The following PLCL1 variants were observed in gnomAD, a reference collection of about 807,000 sequenced individuals.
PLCL1 encodes inactive phospholipase C-like protein 1.
PLCL1 carries 41 observed loss-of-function variants against 84.4 expected under a neutral mutation model. That is an observed-to-expected ratio of 0.49 (90% CI 0.38 to 0.63). The LOEUF (loss-of-function observed/expected upper bound fraction) is 0.63. Ranked by LOEUF, PLCL1 falls within the 30% of genes least tolerant of loss-of-function variation. The pLI is 0.00. For missense variants in PLCL1, 1,206 were observed against 1,367.8 expected, an observed-to-expected ratio of 0.88 and a Z score of 1.87; for synonymous variants, 490 against 488.3, an observed-to-expected ratio of 1.00 and a Z score of -0.05.
chr2:198,069,422 A>G (rs1171480606), intron 1 of PLCL1, among the ~76,000 whole-genome samples: 1 of 152,076 alleles, frequency 6.6e-6, no homozygotes, highest in African/African-American at 2.4e-5. Context: ...CCAGGATTTC[A>G]CGGCTGCAGT....
rs994178737 is a variant in PLCL1, at chr2:197,981,186, A to C, written c.241-102572A>C. 3.3e-5 allele frequency among the ~76,000 whole-genome samples: 5 copies of C among 152,318 alleles called. No homozygotes were observed. In the South Asian group the frequency reaches 6.2e-4, roughly 19 times the overall value. ...TAGCAGTAGTTAATTGTAGAATCTA[A>C]GGTTAGGGCAAAAGACCTTTCCACG... On this transcript the variant is annotated intron_variant, in intron 1 of 5. Transcript: ENST00000428675.
intron 1 of PLCL1, among the ~76,000 whole-genome samples, chr2:198,034,727 G>A (rs1677515450): frequency 6.6e-6 from 1 of 152,154 alleles, no homozygotes; most frequent in African/African-American, 2.4e-5. Flanking sequence ...TCTCATCAAT[G>A]TCATCTCTAA....
At chr2:197,840,696 G>A (rs1353337345) in intron 1 of PLCL1, among the ~76,000 whole-genome samples, 1 of 152,202 alleles carries the variant, frequency 6.6e-6, no homozygotes, top group East Asian at 1.9e-4. Flanking sequence ...GAAGGGCAGG[G>A]CAGATGCCAT....
intron 1 of PLCL1, among the ~76,000 whole-genome samples, chr2:197,843,884 A>T (rs1559022414): frequency 6.6e-6 from 1 of 152,114 alleles, no homozygotes; most frequent in Non-Finnish European, 1.5e-5. Context: ...TTAATCATGG[A>T]TTTCTGAATC....
chr2:198,045,311 T>A (rs1574270455), intron 1 of PLCL1, among the ~76,000 whole-genome samples: 2 of 152,302 alleles, frequency 1.3e-5, no homozygotes, highest in East Asian at 3.9e-4. Context: ...AACTGATTAT[T>A]CAAGACAGAT....
intron 1 of PLCL1, among the ~76,000 whole-genome samples, chr2:197,926,457 T>C (rs940154227): frequency 6.6e-6 from 1 of 152,216 alleles, no homozygotes; most frequent in Admixed American, 6.5e-5. Flanking sequence ...ATGTCAGCCA[T>C]TCATGGCCAT....
At chr2:197,867,638 C>A (rs558696317) in intron 1 of PLCL1, among the ~76,000 whole-genome samples, 76 of 152,242 alleles carry the variant, frequency 5.0e-4, no homozygotes, top group Admixed American at 1.0e-3. Context: ...CCAGCCTTAA[C>A]CAGGAGCAAT....
chr2:198,059,091 C>A (rs1692130390), intron 1 of PLCL1, among the ~76,000 whole-genome samples: 1 of 152,156 alleles, frequency 6.6e-6, no homozygotes, highest in Non-Finnish European at 1.5e-5. Flanking sequence ...AGCAGTCCTG[C>A]CATTTGCTCC....
intron 1 of PLCL1, among the ~76,000 whole-genome samples, chr2:198,082,565 T>A (rs1229413707): frequency 6.6e-6 from 1 of 152,164 alleles, no homozygotes; most frequent in Non-Finnish European, 1.5e-5. Context: ...TTTGGAAAAT[T>A]TGTTCCTGGG....
chr2:198,135,064 C>A (rs1336841963), intron 5 of PLCL1, among the ~76,000 whole-genome samples: 1 of 152,094 alleles, frequency 6.6e-6, no homozygotes, highest in Non-Finnish European at 1.5e-5. Context: ...TCTTGATAGC[C>A]TTTGCTCTGG....
At chr2:197,814,980 T>G (rs536885153) in intron 1 of PLCL1, among the ~76,000 whole-genome samples, 1 of 152,298 alleles carries the variant, frequency 6.6e-6, no homozygotes, top group East Asian at 1.9e-4. Context: ...GCTATCTCTA[T>G]AATGTAAAAT....
intron 1 of PLCL1, among the ~76,000 whole-genome samples, chr2:197,869,006 A>G (rs1687597860): frequency 6.6e-6 from 1 of 152,208 alleles, no homozygotes; most frequent in Admixed American, 6.5e-5. Context: ...TAATTGTGTT[A>G]GAAAGCTTCA....
In PLCL1 at chr2:197,804,937, A is replaced by G; in HGVS notation, c.-163A>G. On this transcript the variant is annotated 5_prime_UTR_variant, in exon 1 of 6. Coordinates refer to ENST00000428675, the MANE Select transcript of PLCL1 (RefSeq NM_006226.4). ...TGCCCGAGCGATGTCCCCTCTCCAG[A>G]AAGTTGCCGCCGCCGCCGCCGCCGC... 1 of 668,660 alleles carries G rather than the reference A, an allele frequency of 1.5e-6. No homozygotes were observed. Among genetic ancestry groups the G allele is most frequent in the South Asian group, 2.1e-5 (1 of 47,146 alleles). The allele number at this position is 668,660 out of a possible 1,614,324, so 41.4% of individuals were successfully genotyped here. A position where few individuals can be genotyped will look rare whatever the true frequency, so the allele number is the denominator to read the frequency against.
intron 5 of PLCL1, among the ~76,000 whole-genome samples, chr2:198,109,358 C>T (rs1167316254): frequency 2.0e-5 from 3 of 151,794 alleles, no homozygotes; most frequent in African/African-American, 7.3e-5. Flanking sequence ...CTCCTAAAGG[C>T]CTTACCTCTT....
rs201884531 is a variant in PLCL1, at chr2:198,090,430, A to G, written c.2919+1369A>G. On this transcript the variant is annotated intron_variant, in intron 3 of 5. Coordinates refer to ENST00000428675, the MANE Select transcript of PLCL1 (RefSeq NM_006226.4). ...CACCAAACTCTTTATAATGAACCCA[A>G]CTAATTTTATAATTGCATAAAATAA... Among the ~76,000 whole-genome samples, 17 of 152,100 alleles carry G rather than the reference A, an allele frequency of 1.1e-4. 1 individual carries two copies. The East Asian group carries it at 3.3e-3, about 29-fold the overall frequency.
chr2:198,135,991 G>A (rs1694247283), intron 5 of PLCL1, among the ~76,000 whole-genome samples: 1 of 152,200 alleles, frequency 6.6e-6, no homozygotes, highest in Non-Finnish European at 1.5e-5. Context: ...CCCAAGGAAA[G>A]TTGCCACATT....
chr2:197,842,773 C>G (rs1471728310), intron 1 of PLCL1, among the ~76,000 whole-genome samples: 1 of 152,144 alleles, frequency 6.6e-6, no homozygotes, highest in Non-Finnish European at 1.5e-5. Flanking sequence ...TGTCCTTATG[C>G]CACATCTGCC....
chr2:198,141,828 T>C (rs1694394742), intron 5 of PLCL1, among the ~76,000 whole-genome samples: 1 of 152,194 alleles, frequency 6.6e-6, no homozygotes, highest in African/African-American at 2.4e-5. Context: ...GAGTGTGGGC[T>C]CAAAAATACT....
At chr2:197,806,284 A>G (rs1690476776) in intron 1 of PLCL1, among the ~76,000 whole-genome samples, 1 of 152,236 alleles carries the variant, frequency 6.6e-6, no homozygotes, top group South Asian at 2.1e-4. Flanking sequence ...GTAAGTATAT[A>G]TGTGTGTGTG....
Sources: gnomAD v4.1 joint callset for allele counts (sites outside exome capture counted in the v4.1 genomes callset) on GRCh38, gnomAD v4.1.1 for gene constraint, MANE v1.5 for transcripts, NCBI Gene and HGNC (gene_info 2026-07-23, HGNC 2026-07-21) for gene names.